The following KLF7 variants were observed in gnomAD, a reference collection of about 807,000 sequenced individuals.
KLF7 encodes the protein KLF transcription factor 7, also known as Krueppel-like factor 7.
A neutral mutation model predicts 27.3 loss-of-function variants in KLF7; 2 were observed. That is an observed-to-expected ratio of 0.07 (90% CI 0.03 to 0.23). The LOEUF (loss-of-function observed/expected upper bound fraction) is 0.23. KLF7 is among the 10% of genes least tolerant of loss of function. The probability of loss-of-function intolerance (pLI) is 1.00; values close to 1 mark genes in which losing one functional copy is unlikely to be tolerated. For missense variants in KLF7, 221 were observed against 394.1 expected (o/e 0.56, Z 3.72); for synonymous variants, 165 against 162.4 (o/e 1.02, Z -0.12).
In KLF7 at chr2:207,077,497, C is replaced by G. The variant is rs1338105708; in HGVS notation, c.*3716G>C. 3.9e-5 allele frequency: 6 copies of G among 151,984 alleles called. No individual in the cohort carries two copies. Among genetic ancestry groups the G allele is most frequent in the Non-Finnish European group, 7.3e-5 (5 of 68,054 alleles). The allele number at this position is 151,984 out of a possible 1,614,324, so 9.4% of individuals were successfully genotyped here. A position where few individuals can be genotyped will look rare whatever the true frequency, so the allele number is the denominator to read the frequency against. Reference sequence around the variant, plus strand: ...GGTGCAGGTGGAGAGGAGATGGCGTCGAGAGAAGAGGATATTTGAAGGGCT... The same window carrying G: ...GGTGCAGGTGGAGAGGAGATGGCGTGGAGAGAAGAGGATATTTGAAGGGCT... On this transcript the variant is annotated 3_prime_UTR_variant, in exon 4 of 4. Coordinates refer to ENST00000309446, the MANE Select transcript of KLF7 (RefSeq NM_003709.4).
At chr2:207,110,487 T>C (rs2269079) in intron 2 of KLF7, among the ~76,000 whole-genome samples, 16,263 of 152,224 alleles carry the variant, frequency 0.11, 1,100 homozygotes, top group South Asian at 0.21. Flanking sequence ...GGCTCTTCAG[T>C]GCGTGGTCAG....
At chr2:207,117,834 A>T (rs1008624161) in intron 2 of KLF7, among the ~76,000 whole-genome samples, 1 of 152,192 alleles carries the variant, frequency 6.6e-6, no homozygotes, top group Non-Finnish European at 1.5e-5. Context: ...GTTATCTCCA[A>T]ATCTTCCATG....
chr2:207,094,680 T>C (rs2076584627), intron 2 of KLF7, among the ~76,000 whole-genome samples: 1 of 152,240 alleles, frequency 6.6e-6, no homozygotes, highest in Non-Finnish European at 1.5e-5. Context: ...CCATAGCTTG[T>C]CAATGTCTTC....
chr2:207,116,769 C>T (rs1318793180), intron 2 of KLF7, among the ~76,000 whole-genome samples: 2 of 152,280 alleles, frequency 1.3e-5, no homozygotes, highest in Non-Finnish European at 2.9e-5. Context: ...CTCTATCAAA[C>T]AGAACTCGCC....
At chr2:207,118,963 T>C (rs139847201) in intron 2 of KLF7, among the ~76,000 whole-genome samples, 62 of 152,354 alleles carry the variant, frequency 4.1e-4, no homozygotes, top group African/African-American at 1.5e-3. Flanking sequence ...ACTTACAGAT[T>C]GTGCCACTTT....
chr2:207,099,085 G>T (rs1338232980), intron 2 of KLF7, among the ~76,000 whole-genome samples: 2 of 152,106 alleles, frequency 1.3e-5, no homozygotes, highest in Non-Finnish European at 2.9e-5. Flanking sequence ...AACCAACAGA[G>T]AAAAGGAAAC....
intron 2 of KLF7, among the ~76,000 whole-genome samples, chr2:207,115,506 T>C (rs892975376): frequency 3.3e-5 from 5 of 152,248 alleles, no homozygotes; most frequent in African/African-American, 1.2e-4. Flanking sequence ...AGTAACTCCA[T>C]CAGTGGTTGG....
upstream of KLF7, among the ~76,000 whole-genome samples, chr2:207,169,915 G>A (rs1045719001): frequency 4.0e-5 from 6 of 151,770 alleles, no homozygotes; most frequent in Admixed American, 2.0e-4. Flanking sequence ...CTCCCTATTC[G>A]TTAAGACACA....
At chr2:207,166,191 A>T (rs2078702729), upstream of KLF7, 18 of 985,206 alleles carry the variant, frequency 1.8e-5, no homozygotes, top group Non-Finnish European at 2.0e-5. Flanking sequence ...GCGTGTGACC[A>T]TGTAAGGTAA....
rs750755157 is a variant in KLF7 at position 207,079,003 on chromosome 2, T to C, written c.*2210A>G. ...GCCTCCGGCAAATGGACAGATTTTGTGTGTGTGTGCGCGTGTGTGTTAACG... is the reference window on the plus strand; with the variant it reads ...GCCTCCGGCAAATGGACAGATTTTGCGTGTGTGTGCGCGTGTGTGTTAACG... On this transcript the variant is annotated 3_prime_UTR_variant, in exon 4 of 4. Coordinates refer to ENST00000309446, the MANE Select transcript of KLF7 (RefSeq NM_003709.4). 2 of 152,166 alleles carry C rather than the reference T, an allele frequency of 1.3e-5. No homozygotes were observed. The highest frequency in any genetic ancestry group is 2.9e-5 in the Non-Finnish European group (2 of 68,024). 9.4% of individuals were successfully genotyped at this position (152,166 alleles called of 1,614,324 possible).
intron 1 of KLF7, among the ~76,000 whole-genome samples, chr2:207,135,243 C>T (rs561853701): frequency 6.6e-6 from 1 of 151,838 alleles, no homozygotes; most frequent in Non-Finnish European, 1.5e-5. Context: ...AGAGTGAAGA[C>T]TGAACAGTAA....
intron 1 of KLF7, among the ~76,000 whole-genome samples, chr2:207,150,302 G>A (rs536965441): frequency 3.9e-5 from 6 of 152,274 alleles, no homozygotes; most frequent in African/African-American, 7.2e-5. Context: ...GAATACACAC[G>A]AAATAAATTA....
upstream of KLF7, chr2:207,166,955 C>CGCCGCCG: frequency 1.1e-6 from 1 of 882,074 alleles, no homozygotes; most frequent in Non-Finnish European, 1.4e-6. Flanking sequence ...CCGCCGCCGC[C>CGCCGCCG]CTCCCTCCCG....
At chr2:207,084,948 A>T (rs2076352665) in intron 3 of KLF7, among the ~76,000 whole-genome samples, 2 of 152,036 alleles carry the variant, frequency 1.3e-5, no homozygotes, top group Admixed American at 1.3e-4. Flanking sequence ...GGATCACTTG[A>T]GGTCAGGAGT....
At chr2:207,126,762 C>T (rs1220972932) in intron 1 of KLF7, among the ~76,000 whole-genome samples, 1 of 151,078 alleles carries the variant, frequency 6.6e-6, no homozygotes, top group African/African-American at 2.4e-5. Context: ...ATGGTCGTAC[C>T]ACTGCACTCC....
At chr2:207,132,809 A>G (rs1049358641) in intron 1 of KLF7, among the ~76,000 whole-genome samples, 4 of 152,248 alleles carry the variant, frequency 2.6e-5, no homozygotes, top group African/African-American at 4.8e-5. Flanking sequence ...GTTCCCCTAC[A>G]CTTCCAACAA....
chr2:207,148,455 C>T (rs2078157013), intron 1 of KLF7, among the ~76,000 whole-genome samples: 2 of 152,248 alleles, frequency 1.3e-5, no homozygotes, highest in Non-Finnish European at 2.9e-5. Context: ...ATTCTACATG[C>T]AAGCTTTTGC....
intron 1 of KLF7, among the ~76,000 whole-genome samples, chr2:207,158,718 C>T (rs1489610413): frequency 2.0e-5 from 3 of 152,192 alleles, no homozygotes; most frequent in Non-Finnish European, 2.9e-5. Context: ...AATCAAATTA[C>T]ACAAGTAAGC....
At chr2:207,120,800 A>T (rs189882741) in intron 2 of KLF7, 3 of 152,276 alleles carry the variant, frequency 2.0e-5, no homozygotes, top group Admixed American at 1.3e-4. Flanking sequence ...TTTCCTTTAT[A>T]TGTTTGCACT....
Sources: gnomAD v4.1 joint callset for allele counts (sites outside exome capture counted in the v4.1 genomes callset) on GRCh38, gnomAD v4.1.1 for gene constraint, MANE v1.5 for transcripts, NCBI Gene and HGNC (gene_info 2026-07-23, HGNC 2026-07-21) for gene names.